SCCPDH: variants seen among roughly 807,000 people sequenced by gnomAD.
SCCPDH encodes saccharopine dehydrogenase (putative).
In SCCPDH, 34 loss-of-function variants were observed where a neutral mutation model predicts 51.5. The ratio of observed to expected loss-of-function variants is 0.66; its 90% CI spans 0.50 to 0.88. The LOEUF (loss-of-function observed/expected upper bound fraction) is 0.88, where lower values mean the gene tolerates loss of function less well. Among genes scored for constraint, SCCPDH ranks in the 40% least tolerant of loss-of-function variants. SCCPDH has a pLI of 0.00. For missense variants in SCCPDH, 464 were observed against 527.1 expected (o/e 0.88, Z 1.17); for synonymous variants, 187 against 191.3 (o/e 0.98, Z 0.19).
chr1:246,758,356 G>T lies in SCCPDH; in HGVS notation c.695G>T (p.Arg232Met). The T allele has an allele frequency of 6.3e-7, 1 of 1,586,968 alleles. No individual in the cohort carries two copies. The highest frequency in any genetic ancestry group is 8.6e-7 in the Non-Finnish European group (1 of 1,168,418). Residue 232 changes from arginine to methionine, a missense_variant and splice_region_variant, in exon 6 of 12, where the codon AGG becomes ATG. Arg to Met is a moderately conservative substitution (Grantham distance 91). Transcript: ENST00000366510. ...CTCATTGGTCCAAAATTGAAGAGAAGGTAAATTAACTTAAAATCCATTTTT... is the reference window on the plus strand; with the variant it reads ...CTCATTGGTCCAAAATTGAAGAGAATGTAAATTAACTTAAAATCCATTTTT... ...VPLIGPKLKRRWPISYCRELK... is the reference protein window; with the variant it reads ...VPLIGPKLKRMWPISYCRELK...
chr1:246,739,580 A>G (rs1290609340), intron 3 of SCCPDH, among the ~76,000 whole-genome samples: 1 of 152,232 alleles, frequency 6.6e-6, no homozygotes, highest in Non-Finnish European at 1.5e-5. Context: ...ATTAAATCAT[A>G]TATGTCAGTA....
Position 246,767,403 on chromosome 1 carries a change from G to T in SCCPDH, c.*103G>T, listed in dbSNP as rs762389214. The T allele has an allele frequency of 8.8e-6, 5 of 571,108 alleles. No homozygotes were observed. The allele number at this position is 571,108 out of a possible 1,614,324, so 35.4% of individuals were successfully genotyped here. ...AGCCTGTCTGAGTGTATGTGGAAACGATTGTCAAATCTAAAATATCTATAT... is the reference window on the plus strand; with the variant it reads ...AGCCTGTCTGAGTGTATGTGGAAACTATTGTCAAATCTAAAATATCTATAT... On this transcript the variant is annotated 3_prime_UTR_variant, in exon 12 of 12. Transcript: ENST00000366510.
chr1:246,743,093 C>T (rs1668703745), intron 4 of SCCPDH, among the ~76,000 whole-genome samples: 1 of 152,018 alleles, frequency 6.6e-6, no homozygotes, highest in East Asian at 1.9e-4. Flanking sequence ...AGAATAATTC[C>T]CATGGATCTA....
chr1:246,736,635 A>G (rs1252206362), intron 3 of SCCPDH, among the ~76,000 whole-genome samples: 1 of 152,010 alleles, frequency 6.6e-6, no homozygotes, highest in East Asian at 1.9e-4. Flanking sequence ...TAGGAGGTGG[A>G]GCTTGCAGTG....
chr1:246,731,902 C>A (rs1001868894), intron 2 of SCCPDH, among the ~76,000 whole-genome samples: 1 of 151,622 alleles, frequency 6.6e-6, no homozygotes, highest in Non-Finnish European at 1.5e-5. Flanking sequence ...TATGATGTTC[C>A]CCACCCTGTG....
chr1:246,745,201 G>A (rs1408890192), intron 5 of SCCPDH, among the ~76,000 whole-genome samples: 2 of 151,882 alleles, frequency 1.3e-5, no homozygotes, highest in Non-Finnish European at 2.9e-5. Flanking sequence ...AGACATTGAC[G>A]TTGGGAACGT....
intron 2 of SCCPDH, among the ~76,000 whole-genome samples, chr1:246,731,537 G>A (rs1668489744): frequency 6.6e-6 from 1 of 152,306 alleles, no homozygotes; most frequent in Admixed American, 6.5e-5. Context: ...AAGGGAGGGT[G>A]CTCCAGGTAG....
chr1:246,757,796 A>G (rs1175592318), intron 5 of SCCPDH, among the ~76,000 whole-genome samples: 1 of 152,192 alleles, frequency 6.6e-6, no homozygotes, highest in Admixed American at 6.5e-5. Flanking sequence ...GTATGTATGC[A>G]TAAATGTGCA....
At chr1:246,757,826 G>A (rs566362087) in intron 5 of SCCPDH, among the ~76,000 whole-genome samples, 48 of 152,210 alleles carry the variant, frequency 3.2e-4, no homozygotes, top group African/African-American at 1.1e-3. Context: ...ATCCAGAAAT[G>A]TTGAGGAATT....
chr1:246,762,036 G>A (rs555940602), intron 9 of SCCPDH, among the ~76,000 whole-genome samples: 2 of 152,302 alleles, frequency 1.3e-5, no homozygotes, highest in East Asian at 1.9e-4. Context: ...CAGTTTCTCT[G>A]CTTCCAAACC....
intron 7 of SCCPDH, 108 bp from the exon 8 acceptor site, chr1:246,759,849 C>A: frequency 8.1e-7 from 1 of 1,228,668 alleles, no homozygotes; most frequent in African/African-American, 1.5e-5. Flanking sequence ...GTGGAAACTG[C>A]TTTTGTTCCA....
At chr1:246,766,533 C>A (rs1019924049) in intron 11 of SCCPDH, among the ~76,000 whole-genome samples, 3 of 152,176 alleles carry the variant, frequency 2.0e-5, no homozygotes, top group African/African-American at 7.2e-5. Flanking sequence ...ATAAATGGAA[C>A]CATGGGATCC....
At chr1:246,758,612 G>A (rs902039949) in intron 6 of SCCPDH, among the ~76,000 whole-genome samples, 6 of 152,202 alleles carry the variant, frequency 3.9e-5, no homozygotes, top group African/African-American at 7.2e-5. Flanking sequence ...TAAGTACTTC[G>A]TGTGTAATAA....
chr1:246,760,207 C>T lies in SCCPDH; in HGVS notation c.970C>T (p.Gln324Ter). Residue 324 changes from glutamine (Q) to a stop codon, truncating the protein, a stop_gained, in exon 9 of 12, where the codon CAA becomes TAA. Transcript: ENST00000366510. LOFTEE classifies it high-confidence loss of function. Reference sequence around the variant, plus strand: ...CTTCTCCTTTGGCTATTTTTCAAAACAAGGCCCAACACAAAAACAGGTAAT... The same window carrying T: ...CTTCTCCTTTGGCTATTTTTCAAAATAAGGCCCAACACAAAAACAGGTAAT... ...WFFSFGYFSK[Q>*]GPTQKQIDAA... The T allele has an allele frequency of 1.2e-6, 2 of 1,609,692 alleles. No homozygotes were observed. Among genetic ancestry groups the T allele is most frequent in the African/African-American group, 1.3e-5 (1 of 74,738 alleles).
intron 9 of SCCPDH, among the ~76,000 whole-genome samples, chr1:246,762,571 G>A (rs1669033668): frequency 6.6e-6 from 1 of 152,162 alleles, no homozygotes; most frequent in Non-Finnish European, 1.5e-5. Context: ...GCCGGGCGCA[G>A]TGGCTCACAC....
At chr1:246,733,433 A>AAT (rs201157709) in intron 2 of SCCPDH, among the ~76,000 whole-genome samples, 1,770 of 149,928 alleles carry the variant, frequency 0.012, 26 homozygotes, top group African/African-American at 0.04. Flanking sequence ...TTATATGTAT[A>AAT]ATATATATAT....
chr1:246,724,434 G>C lies in SCCPDH; in HGVS notation c.12G>C (p.Glu4Asp). The change falls in exon 1 of 12, where the codon GAG (glutamate) becomes GAC (aspartate). Residue 4 changes from glutamate to aspartate, a missense_variant. Transcript: ENST00000366510. ...GCTGTGGACTCGTCATGGCGACCGA[G>C]CAGAGGCCTTTCCACCTGGTGGTGT... MAT[E>D]QRPFHLVVFG... 1 of 1,580,336 alleles carries C rather than the reference G, an allele frequency of 6.3e-7. No homozygotes were observed. The highest frequency in any genetic ancestry group is 8.6e-7 in the Non-Finnish European group (1 of 1,166,476).
chr1:246,764,574 TG>T (rs1456912097), intron 10 of SCCPDH, among the ~76,000 whole-genome samples: 1 of 152,248 alleles, frequency 6.6e-6, no homozygotes, highest in Non-Finnish European at 1.5e-5. Flanking sequence ...TTTTGGAGTA[TG>T]ATTCAGTAAT....
rs1490421236 is a variant in SCCPDH at position 246,736,177 on chromosome 1, G to GAT, written c.384+125_384+126dup. 6.2e-6 allele frequency: 4 copies of GAT among 648,386 alleles called. 1 individual carries two copies. The Admixed American group carries it at 1.0e-4, about 17-fold the overall frequency. The allele number at this position is 648,386 out of a possible 1,614,324, so 40.2% of individuals were successfully genotyped here. On this transcript the variant is annotated intron_variant, in intron 3 of 11. Transcript: ENST00000366510. Reference sequence around the variant, plus strand: ...GCCGACAACTCCTTTCTAGCATTCAGATATGGTATTCGTGTGGTATTCCAT... The same window carrying GAT: ...GCCGACAACTCCTTTCTAGCATTCAGATATATGGTATTCGTGTGGTATTCCAT...
Sources: allele counts gnomAD v4.1 joint callset (sites outside exome capture counted in the v4.1 genomes callset), GRCh38; gene constraint gnomAD v4.1.1; transcripts MANE v1.5; gene names NCBI Gene and HGNC (gene_info 2026-07-23, HGNC 2026-07-21).